The following NAA38 variants were observed in gnomAD, a reference collection of about 807,000 sequenced individuals.
The protein encoded by NAA38 is N-alpha-acetyltransferase 38, NatC auxiliary subunit, also known as LSM domain containing 1.
A neutral mutation model predicts 12.6 loss-of-function variants in NAA38; 15 were observed. The observed-to-expected ratio is 1.19, with a 90% CI of 0.79 to 1.83. The LOEUF (loss-of-function observed/expected upper bound fraction) is 1.83. Ranked by LOEUF, NAA38 falls within the 40% of genes most tolerant of loss-of-function variation. The pLI is 0.00. For synonymous variants in NAA38, 88 were observed against 69.9 expected, an observed-to-expected ratio of 1.26 and a Z score of -1.29; for missense variants, 183 against 171.7, an observed-to-expected ratio of 1.07 and a Z score of -0.37.
chr17:7,858,422 C>G, upstream of NAA38: 1 of 1,614,162 alleles, frequency 6.2e-7, no homozygotes, highest in South Asian at 1.1e-5. Context: ...TGCTGAAACC[C>G]ATCGTGGAAG....
At chr17:7,860,088 G>A (rs1488835678), upstream of NAA38, 3 of 176,264 alleles carry the variant, frequency 1.7e-5, no homozygotes, top group East Asian at 4.7e-4. Flanking sequence ...GGAAAGAAAG[G>A]AAGTGCGTCA....
At chr17:7,877,371 CAT>C (rs1491473473) in intron 2 of NAA38, among the ~76,000 whole-genome samples, 4 of 135,584 alleles carry the variant, frequency 3.0e-5, no homozygotes, top group South Asian at 2.5e-4. Flanking sequence ...TAAATGATGT[CAT>C]TTTTTTTTTT....
chr17:7,873,050 C>T (rs144471595), intron 2 of NAA38, among the ~76,000 whole-genome samples: 1 of 152,308 alleles, frequency 6.6e-6, no homozygotes, highest in Non-Finnish European at 1.5e-5. Flanking sequence ...GTGTCAAACA[C>T]AGTACTAACG....
At chr17:7,883,630 T>C (rs2151396125) in intron 1 of NAA38, among the ~76,000 whole-genome samples, 1 of 152,250 alleles carries the variant, frequency 6.6e-6, no homozygotes, top group East Asian at 1.9e-4. Context: ...GTCACTAGGA[T>C]TTCTATCACT....
Position 7,856,744 on chromosome 17 carries a change from G to T in NAA38, c.365C>A (p.Pro122His). ...IEVQRESLTG[P>H]PYL ...GCGCCATCGTGGTCAGAGATACGGA[G>T]GCCCGGTCAGACTCTCCCTCTGCAC... The change falls in exon 3 of 3, where the codon CCT becomes CAT. Residue 122 changes from proline (P) to histidine (H), a missense_variant. Transcript: ENST00000575771. 6.2e-7 allele frequency: 1 copy of T among 1,613,892 alleles called. No homozygotes were observed. Among genetic ancestry groups the T allele is most frequent in the Non-Finnish European group, 8.5e-7 (1 of 1,179,856 alleles).
At chr17:7,879,733 A>G (rs1167599868) in intron 2 of NAA38, among the ~76,000 whole-genome samples, 1 of 152,178 alleles carries the variant, frequency 6.6e-6, no homozygotes, top group Non-Finnish European at 1.5e-5. Context: ...AAGACAGAAG[A>G]AGGCAGAGAC....
At chr17:7,859,443 C>G, upstream of NAA38, 1 of 1,614,122 alleles carries the variant, frequency 6.2e-7, no homozygotes, top group Non-Finnish European at 8.5e-7. Context: ...AACTCACATG[C>G]TGCCAGCTAC....
upstream of NAA38, chr17:7,858,376 G>A: frequency 6.2e-7 from 1 of 1,614,132 alleles, no homozygotes; most frequent in South Asian, 1.1e-5. Flanking sequence ...GGCTGGCATT[G>A]ACAGTGGCTG....
chr17:7,871,299 A>G (rs1967080925), intron 2 of NAA38, among the ~76,000 whole-genome samples: 1 of 152,190 alleles, frequency 6.6e-6, no homozygotes, highest in Non-Finnish European at 1.5e-5. Context: ...GAGTATTAGG[A>G]TACTTTCTAC....
At chr17:7,858,216 C>G (rs2078848979), upstream of NAA38, 4 of 1,613,996 alleles carry the variant, frequency 2.5e-6, no homozygotes, top group East Asian at 8.9e-5. Flanking sequence ...GGTGGCCCAA[C>G]ATAACAGGCC....
At chr17:7,859,593 A>G, upstream of NAA38, 1 of 1,614,084 alleles carries the variant, frequency 6.2e-7, no homozygotes, top group Non-Finnish European at 8.5e-7. Flanking sequence ...TACTTCAATG[A>G]TGATCTCACG....
upstream of NAA38, chr17:7,859,520 G>A: frequency 1.2e-6 from 2 of 1,614,222 alleles, no homozygotes; most frequent in Non-Finnish European, 8.5e-7. Context: ...GATCCGGGAT[G>A]AGGAGGAAGA....
chr17:7,870,317 A>C (rs1177315943), intron 2 of NAA38, among the ~76,000 whole-genome samples: 1 of 152,216 alleles, frequency 6.6e-6, no homozygotes, highest in Non-Finnish European at 1.5e-5. Flanking sequence ...AACTTGCAGA[A>C]GGCAAAGACA....
At chr17:7,862,314 G>A (rs950255698), upstream of NAA38, 3 of 152,052 alleles carry the variant, frequency 2.0e-5, no homozygotes, top group Admixed American at 1.3e-4. Flanking sequence ...TATACCTAGT[G>A]GGGGGGATGT....
At chr17:7,858,202 CGGA>C (rs1567812448), upstream of NAA38, 1 of 1,613,948 alleles carries the variant, frequency 6.2e-7, no homozygotes, top group South Asian at 1.1e-5. Flanking sequence ...TTCACGCCGG[CGGA>C]GGTGGCCCAA....
chr17:7,877,959 C>A (rs1023322956), intron 2 of NAA38, among the ~76,000 whole-genome samples: 2 of 152,092 alleles, frequency 1.3e-5, no homozygotes, highest in African/African-American at 4.8e-5. Context: ...CTTAGGTAAT[C>A]CTTTCAATAT....
At chr17:7,869,345 C>G (rs1967044652) in intron 2 of NAA38, among the ~76,000 whole-genome samples, 1 of 152,154 alleles carries the variant, frequency 6.6e-6, no homozygotes, top group Non-Finnish European at 1.5e-5. Context: ...AACTCTTCCT[C>G]TAATGAAGTG....
intron 2 of NAA38, among the ~76,000 whole-genome samples, chr17:7,872,462 A>G (rs1967102939): frequency 6.6e-6 from 1 of 152,192 alleles, no homozygotes; most frequent in African/African-American, 2.4e-5. Context: ...CTCCGCGTTC[A>G]GGTGATTCTC....
intron 2 of NAA38, among the ~76,000 whole-genome samples, chr17:7,868,540 A>T (rs1002078909): frequency 2.0e-5 from 3 of 152,230 alleles, no homozygotes; most frequent in African/African-American, 4.8e-5. Flanking sequence ...AATAGAAAGT[A>T]AGATGACAGT....
Sources: allele counts gnomAD v4.1 joint callset (sites outside exome capture counted in the v4.1 genomes callset), GRCh38; gene constraint gnomAD v4.1.1; transcripts MANE v1.5; gene names NCBI Gene and HGNC (gene_info 2026-07-23, HGNC 2026-07-21).